Variants in PMFBP1 observed in about 807,000 individuals in gnomAD.
The protein encoded by PMFBP1 is polyamine-modulated factor 1-binding protein 1.
Under a neutral mutation model 137.8 loss-of-function variants are expected in PMFBP1, and 131 were observed. The observed-to-expected ratio is 0.95, with a 90% CI of 0.82 to 1.10. The LOEUF is 1.10. Among genes scored for constraint, PMFBP1 ranks in the 50% least tolerant of loss-of-function variants. The probability of loss-of-function intolerance (pLI) is 0.00; values close to 1 mark genes in which losing one functional copy is unlikely to be tolerated. For synonymous variants in PMFBP1, 490 were observed against 450.4 expected, an observed-to-expected ratio of 1.09 and a Z score of -1.11; for missense variants, 1,199 against 1,175.4, an observed-to-expected ratio of 1.02 and a Z score of -0.29.
At chr16:72,152,116 T>C (rs561363259) in intron 4 of PMFBP1, among the ~76,000 whole-genome samples, 2 of 152,306 alleles carry the variant, frequency 1.3e-5, no homozygotes, top group Admixed American at 1.3e-4. Flanking sequence ...AGGAATCACC[T>C]CCGGAATTAG....
At chr16:72,223,577 G>A in the PMFBP1 span, among the ~76,000 whole-genome samples, 4 of 152,184 alleles carry the variant, frequency 2.6e-5, no homozygotes, top group Non-Finnish European at 4.4e-5. Flanking sequence ...CTGGACCAAG[G>A]CAAAGTTTGA....
chr16:72,170,368 T>C (rs1211280414), intron 2 of PMFBP1, among the ~76,000 whole-genome samples: 1 of 152,090 alleles, frequency 6.6e-6, no homozygotes, highest in Non-Finnish European at 1.5e-5. Context: ...GACAATCCTT[T>C]ACTCATCAAA....
chr16:72,146,971 G>A (rs2042817348), intron 5 of PMFBP1, among the ~76,000 whole-genome samples: 1 of 152,182 alleles, frequency 6.6e-6, no homozygotes, highest in East Asian at 1.9e-4. Flanking sequence ...TAGATTCAAT[G>A]CTATCCCCAT....
chr16:72,125,825 G>C, intron 15 of PMFBP1, 143 bp downstream of exon 15: 1 of 1,079,260 alleles, frequency 9.3e-7, no homozygotes, highest in Non-Finnish European at 1.3e-6. Flanking sequence ...GGCCTTCTCT[G>C]CACAGACATC....
Position 72,126,041 on chromosome 16 carries a change from G to T in PMFBP1, c.2180C>A (p.Thr727Asn), listed in dbSNP as rs1274957617. The change falls in exon 15 of 21, where the codon ACC becomes AAC. Residue 727 changes from threonine to asparagine, a missense_variant. Transcript: ENST00000237353. Reference sequence around the variant, plus strand: ...GGATAATGCATCATAGGCTTCTTTGGTGATGGTAGTCTGGAGATAGTGCTT... The same window carrying T: ...GGATAATGCATCATAGGCTTCTTTGTTGATGGTAGTCTGGAGATAGTGCTT... Reference protein sequence around the residue: ...KEKHYLQTTITKEAYDALSRK... With the variant: ...KEKHYLQTTINKEAYDALSRK... 13 of 1,614,094 alleles carry T rather than the reference G, an allele frequency of 8.1e-6. No individual in the cohort carries two copies. Among genetic ancestry groups the T allele is most frequent in the Non-Finnish European group, 1.1e-5 (13 of 1,180,048 alleles).
chr16:72,145,173 C>T (rs1169386861), intron 5 of PMFBP1, among the ~76,000 whole-genome samples: 1 of 152,160 alleles, frequency 6.6e-6, no homozygotes, highest in African/African-American at 2.4e-5. Context: ...GAAATCACAA[C>T]AAACTGTCTC....
intron 2 of PMFBP1, among the ~76,000 whole-genome samples, chr16:72,168,937 G>T (rs1365523747): frequency 6.6e-6 from 1 of 152,152 alleles, no homozygotes; most frequent in Admixed American, 6.5e-5. Flanking sequence ...AATAGGAGAA[G>T]ACATTTTGCT....
chr16:72,159,744 T>G (rs573259426), intron 3 of PMFBP1, among the ~76,000 whole-genome samples: 4 of 152,106 alleles, frequency 2.6e-5, no homozygotes, highest in Admixed American at 1.3e-4. Context: ...CTTACAAATG[T>G]GCTGAAGAGC....
In PMFBP1 at chr16:72,161,242, C is replaced by T. The variant is rs375164796; in HGVS notation, c.165+3522G>A. On this transcript the variant is annotated intron_variant, in intron 3 of 20. Transcript: ENST00000237353. The stretch of plus-strand genomic sequence containing the variant: ...CCTCCCGAGTAGCTGGGATTATAGG[C>T]GCCTGCTACCATGCCTGGCTAATTT... 3.9e-4 allele frequency among the ~76,000 whole-genome samples: 59 copies of T among 151,794 alleles called. 2 individuals are homozygous for T. The South Asian group carries it at 4.6e-3, about 12-fold the overall frequency.
intron 5 of PMFBP1, among the ~76,000 whole-genome samples, chr16:72,141,867 C>A (rs1459772946): frequency 6.6e-6 from 1 of 152,172 alleles, no homozygotes; most frequent in African/African-American, 2.4e-5. Context: ...ACACCTAACA[C>A]TGTCATCAAC....
chr16:72,150,771 T>C lies in PMFBP1; in HGVS notation c.473A>G (p.His158Arg), dbSNP rs1023128526. ...CAAGGCGAGTTGCTCCTGCGCCAAA[T>C]GGAGCTTCTCCCCTGTGTTCTCGTT... Reference protein sequence around the residue: ...NHNENTGEKLHLAQEQLALAG... With the variant: ...NHNENTGEKLRLAQEQLALAG... The change falls in exon 5 of 21, where the codon CAT becomes CGT. Residue 158 changes from histidine to arginine, a missense_variant. Coordinates refer to ENST00000237353, the MANE Select transcript of PMFBP1 (RefSeq NM_031293.3). The C allele has an allele frequency of 5.6e-6, 9 of 1,614,084 alleles. No homozygotes were observed. The African/African-American group carries it at 8.0e-5, about 14-fold the overall frequency.
chr16:72,184,693 G>C, the PMFBP1 span, among the ~76,000 whole-genome samples: 1 of 152,160 alleles, frequency 6.6e-6, no homozygotes, highest in Admixed American at 6.5e-5. Context: ...ACTATATATT[G>C]CATCAGTGAA....
At chr16:72,204,791 C>T in the PMFBP1 span, among the ~76,000 whole-genome samples, 5 of 152,124 alleles carry the variant, frequency 3.3e-5, no homozygotes, top group Admixed American at 6.5e-5. Flanking sequence ...CCAGCACCAC[C>T]CAACAAAACT....
chr16:72,200,142 C>T, the PMFBP1 span, among the ~76,000 whole-genome samples: 2 of 152,238 alleles, frequency 1.3e-5, no homozygotes, highest in African/African-American at 4.8e-5. Flanking sequence ...CAAACAGGCT[C>T]ACTCCACTGT....
the PMFBP1 span, among the ~76,000 whole-genome samples, chr16:72,220,303 T>A: frequency 6.6e-6 from 1 of 152,340 alleles, no homozygotes; most frequent in Non-Finnish European, 1.5e-5. Context: ...TGGAGTGGTT[T>A]AGTAAATTAT....
At chr16:72,153,042 C>G (rs898855600) in intron 4 of PMFBP1, among the ~76,000 whole-genome samples, 1 of 152,092 alleles carries the variant, frequency 6.6e-6, no homozygotes, top group Non-Finnish European at 1.5e-5. Context: ...CAGAAATCAA[C>G]TAGCTTATTT....
chr16:72,233,264 A>C, the PMFBP1 span, among the ~76,000 whole-genome samples: 1 of 152,154 alleles, frequency 6.6e-6, no homozygotes, highest in African/African-American at 2.4e-5. Flanking sequence ...TAAAGCTCTT[A>C]TTCAAGTAAA....
chr16:72,226,807 AAG>A, the PMFBP1 span, among the ~76,000 whole-genome samples: 2 of 152,194 alleles, frequency 1.3e-5, no homozygotes, highest in African/African-American at 4.8e-5. Context: ...ACAACATGTC[AAG>A]AGAGACCTTT....
downstream of PMFBP1, among the ~76,000 whole-genome samples, chr16:72,118,794 C>T (rs1057262602): frequency 2.0e-5 from 3 of 152,226 alleles, no homozygotes; most frequent in East Asian, 3.9e-4. Flanking sequence ...CTTGCTCCCC[C>T]ACTTGGAAAA....
Sources: allele counts gnomAD v4.1 joint callset (sites outside exome capture counted in the v4.1 genomes callset), GRCh38; gene constraint gnomAD v4.1.1; transcripts MANE v1.5; gene names NCBI Gene and HGNC (gene_info 2026-07-23, HGNC 2026-07-21).